The following AGBL1 variants were observed in gnomAD, a reference collection of about 807,000 sequenced individuals.
AGBL1 encodes cytosolic carboxypeptidase 4.
In AGBL1, 130 loss-of-function variants were observed where a neutral mutation model predicts 118.9. That is an observed-to-expected ratio of 1.09 (90% CI 0.95 to 1.26). AGBL1 has a LOEUF of 1.26. Ranked by LOEUF, AGBL1 falls within the 50% of genes most tolerant of loss-of-function variation. AGBL1 has a pLI of 0.00. For synonymous variants in AGBL1, 555 were observed against 478.9 expected (o/e 1.16, Z -2.08); for missense variants, 1,584 against 1,298.1 (o/e 1.22, Z -3.38).
At chr15:86,642,051 T>C (rs944522413) in intron 21 of AGBL1, among the ~76,000 whole-genome samples, 22 of 152,212 alleles carry the variant, frequency 1.4e-4, no homozygotes, top group Non-Finnish European at 3.1e-4. Context: ...GTCATACTTA[T>C]AAGCACATTT....
intron 23 of AGBL1, among the ~76,000 whole-genome samples, chr15:86,943,231 C>T (rs1309344274): frequency 1.2e-4 from 18 of 152,134 alleles, no homozygotes; most frequent in Admixed American, 1.2e-3. Context: ...TGGAACACAT[C>T]ACTTTTAAGA....
At chr15:86,494,768 G>C (rs776516258) in intron 18 of AGBL1, among the ~76,000 whole-genome samples, 1 of 151,922 alleles carries the variant, frequency 6.6e-6, no homozygotes, top group Non-Finnish European at 1.5e-5. Context: ...TAAAAAATAA[G>C]TCTAGATAGT....
chr15:86,856,884 A>C (rs2079490121), intron 22 of AGBL1, among the ~76,000 whole-genome samples: 1 of 152,226 alleles, frequency 6.6e-6, no homozygotes, highest in Non-Finnish European at 1.5e-5. Context: ...ATGAGCTCCA[A>C]GTGGTGAAGC....
intron 16 of AGBL1, among the ~76,000 whole-genome samples, chr15:86,281,375 C>A (rs1370345304): frequency 6.6e-6 from 1 of 151,992 alleles, no homozygotes; most frequent in Non-Finnish European, 1.5e-5. Context: ...CAAGGGAGAC[C>A]CTATCTAAAA....
rs1425803775 is a variant in AGBL1 at position 86,759,922 on chromosome 15, G to A, written c.3158+85486G>A. ...CTTTCCTAGAGCAGAGTAAAGGCAG[G>A]CATTCTGACATTTGGAAAAATGAGG... On this transcript the variant is annotated intron_variant, in intron 22 of 22. Coordinates refer to ENST00000614907, the MANE Select transcript of AGBL1 (RefSeq NM_001386094.1). Among the ~76,000 whole-genome samples, 5 of 152,048 alleles carry A rather than the reference G, an allele frequency of 3.3e-5. No homozygotes were observed. The East Asian group carries it at 7.7e-4, about 24-fold the overall frequency.
chr15:86,415,291 G>C (rs61587209), intron 18 of AGBL1, among the ~76,000 whole-genome samples: 1 of 152,128 alleles, frequency 6.6e-6, no homozygotes, highest in African/African-American at 2.4e-5. Flanking sequence ...GAAGTACTCA[G>C]TTGTGAGCTT....
rs192568081 is a variant in AGBL1, at chr15:86,323,224, A to G, written c.2374+27816A>G. Among the ~76,000 whole-genome samples, 587 of 151,826 alleles carry G rather than the reference A, an allele frequency of 3.9e-3. 6 individuals are homozygous for G. Among genetic ancestry groups the G allele is most frequent in the African/African-American group, 0.013 (546 of 41,356 alleles). ...TTCTGTGGGAAGGTTGAATGAGGGC[A>G]CCTCATCCACCATGTTGCTAGAAGT... is the stretch of plus-strand genomic sequence containing the variant. On this transcript the variant is annotated intron_variant, in intron 17 of 22. Coordinates refer to ENST00000614907, the MANE Select transcript of AGBL1 (RefSeq NM_001386094.1).
intron 21 of AGBL1, among the ~76,000 whole-genome samples, chr15:86,576,873 C>A (rs2084099207): frequency 6.6e-6 from 1 of 152,228 alleles, no homozygotes; most frequent in Non-Finnish European, 1.5e-5. Flanking sequence ...TTGCTTTCCA[C>A]CATGGTTGTA....
At chr15:86,414,663 T>C (rs1288023726) in intron 18 of AGBL1, among the ~76,000 whole-genome samples, 1 of 152,166 alleles carries the variant, frequency 6.6e-6, no homozygotes, top group African/African-American at 2.4e-5. Context: ...CTCTCCAAGA[T>C]GGGAAAAAAT....
At chr15:86,470,298 G>GT (rs1052430427) in intron 18 of AGBL1, among the ~76,000 whole-genome samples, 6 of 152,170 alleles carry the variant, frequency 3.9e-5, no homozygotes, top group South Asian at 2.1e-4. Context: ...TGACTATCTA[G>GT]TTTTTTCAAA....
intron 24 of AGBL1, among the ~76,000 whole-genome samples, chr15:86,994,411 G>A (rs1334511871): frequency 6.6e-6 from 1 of 151,784 alleles, no homozygotes; most frequent in African/African-American, 2.4e-5. Flanking sequence ...ACGCCAACTG[G>A]GTAGCTATTC....
intron 5 of AGBL1, 127 bp downstream of exon 5, chr15:86,159,153 C>T: frequency 2.4e-6 from 2 of 837,674 alleles, no homozygotes; most frequent in South Asian, 1.5e-5. Context: ...AAATATGGTA[C>T]CATGTCTTTA....
intron 1 of AGBL1, chr15:86,104,924 G>C (rs369913411): frequency 6.6e-6 from 1 of 152,126 alleles, no homozygotes; most frequent in South Asian, 2.1e-4. Context: ...GGTTGCAGGA[G>C]TCCATGGTGA....
At chr15:86,375,717 C>G (rs2081033790) in intron 17 of AGBL1, among the ~76,000 whole-genome samples, 1 of 152,218 alleles carries the variant, frequency 6.6e-6, no homozygotes. Context: ...TTGTGTAGCC[C>G]TTAGCTGGCC....
chr15:86,262,827 T>C lies in AGBL1; in HGVS notation c.1019T>C (p.Leu340Pro). The C allele has an allele frequency of 6.2e-7, 1 of 1,611,438 alleles. No individual in the cohort carries two copies. Among genetic ancestry groups the C allele is most frequent in the Non-Finnish European group, 8.5e-7 (1 of 1,178,876 alleles). Residue 340 changes from leucine (L) to proline (P), a missense_variant, in exon 10 of 23, where the codon CTT (leucine) becomes CCT (proline). By Grantham distance (98) the Leu-to-Pro change is moderately conservative. Coordinates refer to ENST00000614907, the MANE Select transcript of AGBL1 (RefSeq NM_001386094.1). ...DVNKLSSKPG[L>P]DRPEEELMQY... is the part of the protein sequence containing the mutation. ...AACAAGCTGAGTTCCAAACCTGGTC[T>C]TGACCGACCTGAAGAGGAACTGATG...
chr15:86,438,982 G>A (rs1273277133), intron 18 of AGBL1, among the ~76,000 whole-genome samples: 1 of 151,954 alleles, frequency 6.6e-6, no homozygotes, highest in Non-Finnish European at 1.5e-5. Flanking sequence ...ATTTTATCTG[G>A]CATCTCTCCC....
intron 22 of AGBL1, among the ~76,000 whole-genome samples, chr15:86,873,649 T>C (rs2079761367): frequency 6.6e-6 from 1 of 152,184 alleles, no homozygotes; most frequent in Non-Finnish European, 1.5e-5. Flanking sequence ...CACAGCTAGA[T>C]GGTGCCATTT....
intron 17 of AGBL1, among the ~76,000 whole-genome samples, chr15:86,356,978 C>G (rs2080731722): frequency 6.6e-6 from 1 of 152,180 alleles, no homozygotes; most frequent in African/African-American, 2.4e-5. Context: ...CCCATGTTGC[C>G]TGAGAATAAC....
intron 18 of AGBL1, among the ~76,000 whole-genome samples, chr15:86,487,174 A>G (rs1455860310): frequency 6.6e-6 from 1 of 152,092 alleles, no homozygotes; most frequent in Non-Finnish European, 1.5e-5. Context: ...ATAATCAGGA[A>G]TAAAGGGATG....
Sources: gnomAD v4.1 joint callset for allele counts (sites outside exome capture counted in the v4.1 genomes callset) on GRCh38, gnomAD v4.1.1 for gene constraint, MANE v1.5 for transcripts, NCBI Gene and HGNC (gene_info 2026-07-23, HGNC 2026-07-21) for gene names.